The following MCF2L variants were observed in gnomAD, a reference collection of about 807,000 sequenced individuals.
MCF2L encodes the protein guanine nucleotide exchange factor DBS.
MCF2L carries 97 observed loss-of-function variants against 153.4 expected under a neutral mutation model. The ratio of observed to expected loss-of-function variants is 0.63; its 90% CI spans 0.54 to 0.75. The LOEUF is 0.75. Among genes scored for constraint, MCF2L ranks in the 30% least tolerant of loss-of-function variants. MCF2L has a pLI of 0.00. For missense variants in MCF2L, 1,347 were observed against 1,495.2 expected, an observed-to-expected ratio of 0.90 and a Z score of 1.64; for synonymous variants, 659 against 632.2, an observed-to-expected ratio of 1.04 and a Z score of -0.64.
rs1168931396 is a variant in MCF2L at position 113,099,073 on chromosome 13, AAGAAGACAGAACAG to A, written c.*2216_*2229del. Reference sequence around the variant, plus strand: ...TATATAGATTGGAGATTTAAAATAAAAGAAGACAGAACAGACAAACACCATAAGAAAGCTGGTGT... The same window carrying A: ...TATATAGATTGGAGATTTAAAATAAAACAAACACCATAAGAAAGCTGGTGT... On this transcript the variant is annotated 3_prime_UTR_variant, in exon 30 of 30. Coordinates refer to ENST00000535094, the MANE Select transcript of MCF2L (RefSeq NM_001112732.3). 1 of 152,242 alleles carries A rather than the reference AAGAAGACAGAACAG, an allele frequency of 6.6e-6. No individual in the cohort carries two copies. The highest frequency in any genetic ancestry group is 1.5e-5 in the Non-Finnish European group (1 of 68,054). The allele number at this position is 152,242 out of a possible 1,614,324, so 9.4% of individuals were successfully genotyped here. A position where few individuals can be genotyped will look rare whatever the true frequency, so the allele number is the denominator to read the frequency against.
intron 2 of MCF2L, chr13:112,955,967 G>C (rs1439016593): frequency 1.3e-5 from 2 of 152,160 alleles, no homozygotes; most frequent in Non-Finnish European, 2.9e-5. Context: ...CTTTTCATTT[G>C]GTTTCTTTTC....
Position 113,078,689 on chromosome 13 carries a change from G to T in MCF2L, c.1758G>T (p.Gln586His). Residue 586 changes from glutamine (Q) to histidine (H), a missense_variant, in exon 15 of 30, where the codon CAG becomes CAT. Physicochemically the swap from Gln to His is conservative, Grantham distance 24. Transcript: ENST00000535094. ...RAKSEMSESR[Q>H]GRGSAGEEEE... ...AGAGTGAGATGAGTGAGAGCCGGCA[G>T]GGCCGCGGCTCAGCGGGGGAGGAGG... 1 of 1,611,904 alleles carries T rather than the reference G, an allele frequency of 6.2e-7. No homozygotes were observed. The highest frequency in any genetic ancestry group is 8.5e-7 in the Non-Finnish European group (1 of 1,179,790).
chr13:113,066,225 T>G (rs2032337684), intron 8 of MCF2L, 55 bp downstream of exon 8: 1 of 1,517,242 alleles, frequency 6.6e-7, no homozygotes, highest in African/African-American at 1.4e-5. Context: ...GGCAGGATCC[T>G]CTCAGGCACA....
chr13:113,082,495 G>A lies in MCF2L; in HGVS notation c.1944G>A (p.Lys648=). ...HLLSTGLHNK[K]DVLFGNMEEI... is the part of the protein sequence containing the mutation. ...TGTCAACAGGCCTTCACAACAAGAA[G>A]GATGTTTTGTTTGGAAACATGGAGG... Residue 648 remains lysine, a synonymous_variant, in exon 17 of 30, where the codon AAG becomes AAA. Coordinates refer to ENST00000535094, the MANE Select transcript of MCF2L (RefSeq NM_001112732.3). 3.1e-6 allele frequency: 5 copies of A among 1,614,054 alleles called. No homozygotes were observed. Among genetic ancestry groups the A allele is most frequent in the Non-Finnish European group, 4.2e-6 (5 of 1,179,932 alleles).
intron 1 of MCF2L, chr13:113,008,805 T>A (rs2083879528): frequency 1.3e-5 from 2 of 152,224 alleles, no homozygotes; most frequent in Admixed American, 6.5e-5. Flanking sequence ...TGATTTTCAG[T>A]CTGATCTGTT....
At chr13:112,996,651 G>A (rs538286651) in intron 1 of MCF2L, among the ~76,000 whole-genome samples, 4 of 152,162 alleles carry the variant, frequency 2.6e-5, no homozygotes, top group East Asian at 1.9e-4. Context: ...CCACGGGCCC[G>A]GGAATGTCCT....
intron 2 of MCF2L, among the ~76,000 whole-genome samples, chr13:112,955,800 C>A (rs755656860): frequency 1.3e-5 from 2 of 152,214 alleles, no homozygotes; most frequent in African/African-American, 2.4e-5. Context: ...CACCTACACA[C>A]ATCTTGAATG....
chr13:113,020,594 G>T (rs2084809964), intron 2 of MCF2L, among the ~76,000 whole-genome samples: 2 of 152,182 alleles, frequency 1.3e-5, no homozygotes, highest in Admixed American at 1.3e-4. Flanking sequence ...CAGCCTTCTC[G>T]CTGTCCTCAT....
rs9603992 is a variant in MCF2L at position 112,904,285 on chromosome 13, C to T, written c.169+1914C>T. Among the ~76,000 whole-genome samples the T allele has an allele frequency of 0.24, 36,494 of 151,968 alleles. 4,676 individuals carry two copies. The highest frequency in any genetic ancestry group is 0.34 in the Middle Eastern group (99 of 292). The stretch of plus-strand genomic sequence containing the variant: ...ACCAAGTGCTCCTATTATTTCTCAA[C>T]GTACCGAGCTCTCCCAGGCTCAGGA... On this transcript the variant is annotated intron_variant, in intron 2 of 29. Transcript: ENST00000375608. The surrounding 1 kb of genome is among the most constrained non-coding windows in gnomAD (Gnocchi z 4.2).
chr13:112,953,098 T>C (rs758968898), intron 2 of MCF2L, among the ~76,000 whole-genome samples: 1 of 152,194 alleles, frequency 6.6e-6, no homozygotes, highest in Non-Finnish European at 1.5e-5. Context: ...GAGAGTGAAA[T>C]GGAATGGCCT....
At chr13:113,019,077 C>T (rs1486581714) in intron 2 of MCF2L, among the ~76,000 whole-genome samples, 1 of 152,240 alleles carries the variant, frequency 6.6e-6, no homozygotes, top group Non-Finnish European at 1.5e-5. Flanking sequence ...CTCCTTTCCT[C>T]ACCTTCCCCA....
chr13:113,037,344 A>G (rs1205760953), intron 3 of MCF2L, among the ~76,000 whole-genome samples: 3 of 152,210 alleles, frequency 2.0e-5, no homozygotes, highest in Non-Finnish European at 4.4e-5. Context: ...GGAAGCAGGG[A>G]ATTGTAACCA....
In MCF2L at chr13:113,003,679, G is replaced by A. The variant is rs527608233; in HGVS notation, c.80-11084G>A. 3.3e-5 allele frequency among the ~76,000 whole-genome samples: 5 copies of A among 152,284 alleles called. No individual in the cohort carries two copies. In the East Asian group the frequency reaches 5.8e-4, roughly 18 times the overall value. On this transcript the variant is annotated intron_variant, in intron 1 of 29. Coordinates refer to ENST00000535094, the MANE Select transcript of MCF2L (RefSeq NM_001112732.3). ...CCCTGACGGTTCCGTGATCAGACCC[G>A]GGACCTGCTCCAGGCTCTGTTTTAG...
Position 113,088,349 on chromosome 13 carries a change from C to A in MCF2L, c.2711C>A (p.Ala904Asp). The A allele has an allele frequency of 6.2e-7, 1 of 1,614,022 alleles. No individual in the cohort carries two copies. The highest frequency in any genetic ancestry group is 8.5e-7 in the Non-Finnish European group (1 of 1,180,036). ...IVQAPTPEIKAAWVNEIRKVL... is the reference protein window; with the variant it reads ...IVQAPTPEIKDAWVNEIRKVL... Reference sequence around the variant, plus strand: ...CAGGCGCCAACTCCTGAGATTAAAGCCGCGTGGGTGAATGAAATTCGGAAA... The same window carrying A: ...CAGGCGCCAACTCCTGAGATTAAAGACGCGTGGGTGAATGAAATTCGGAAA... The change falls in exon 24 of 30, where the codon GCC becomes GAC. Residue 904 changes from alanine (A) to aspartate (D), a missense_variant. Coordinates refer to ENST00000535094, the MANE Select transcript of MCF2L (RefSeq NM_001112732.3).
chr13:113,087,500 C>T (rs762634026), intron 22 of MCF2L, 44 bp downstream of exon 22: 27 of 1,484,668 alleles, frequency 1.8e-5, no homozygotes, highest in Non-Finnish European at 2.4e-5. Flanking sequence ...TGGCCACAGA[C>T]CCCGACGGGG....
intron 2 of MCF2L, among the ~76,000 whole-genome samples, chr13:112,930,281 C>G (rs1296215619): frequency 3.3e-5 from 5 of 152,174 alleles, no homozygotes; most frequent in Non-Finnish European, 5.9e-5. Context: ...AGCACTAAAA[C>G]CTGGAAGCAA....
intron 1 of MCF2L, chr13:113,010,303 G>A (rs1223697178): frequency 6.6e-6 from 1 of 152,146 alleles, no homozygotes; most frequent in African/African-American, 2.4e-5. Context: ...CTCAAATAAA[G>A]CAAGCTTTTG....
At chr13:113,032,059 C>T (rs2085760413) in intron 3 of MCF2L, among the ~76,000 whole-genome samples, 1 of 152,136 alleles carries the variant, frequency 6.6e-6, no homozygotes, top group Non-Finnish European at 1.5e-5. Context: ...GGGGAGGGTG[C>T]ATGTGGGACG....
chr13:112,898,181 G>A (rs1015788792), intron 1 of MCF2L, among the ~76,000 whole-genome samples: 1 of 152,196 alleles, frequency 6.6e-6, no homozygotes, highest in African/African-American at 2.4e-5. Context: ...TATCTTTAGT[G>A]CCCAGTGCCT....
Sources: allele counts gnomAD v4.1 joint callset (sites outside exome capture counted in the v4.1 genomes callset), GRCh38; gene constraint gnomAD v4.1.1; non-coding constraint Gnocchi (gnomAD v3.1); transcripts MANE v1.5; gene names NCBI Gene and HGNC (gene_info 2026-07-23, HGNC 2026-07-21).